Variants in TDRD7 observed in about 807,000 individuals in gnomAD.
TDRD7 encodes the protein tudor domain-containing protein 7.
TDRD7 carries 47 observed loss-of-function variants against 109.8 expected under a neutral mutation model. That is an observed-to-expected ratio of 0.43 (90% confidence interval 0.34 to 0.55). TDRD7 has a LOEUF of 0.55. Ranked by LOEUF, TDRD7 falls within the 20% of genes least tolerant of loss-of-function variation. The probability of loss-of-function intolerance (pLI) is 0.03; values close to 1 mark genes in which losing one functional copy is unlikely to be tolerated. For synonymous variants in TDRD7, 424 were observed against 457.3 expected (o/e 0.93, Z 0.93); for missense variants, 1,164 against 1,319.2 (o/e 0.88, Z 1.82).
intron 6 of TDRD7, among the ~76,000 whole-genome samples, chr9:97,457,198 A>G (rs556325110): frequency 1.3e-5 from 2 of 152,294 alleles, no homozygotes; most frequent in East Asian, 3.9e-4. Context: ...GATAAATAGG[A>G]ACACTTTTAC....
chr9:97,493,281 T>C (rs1448440484), intron 16 of TDRD7, among the ~76,000 whole-genome samples: 1 of 152,092 alleles, frequency 6.6e-6, no homozygotes, highest in Non-Finnish European at 1.5e-5. Context: ...TCGGCCGGTC[T>C]GAGAAATAAA....
At position 97,495,984 on chromosome 9, in the gene TDRD7, G is replaced by A. The variant is rs1316605060; in HGVS notation, c.*101G>A. ...TTAACTCTGCTACATGGCTCTGACT[G>A]CTGTGGGGGATTGAAAAGAATATGC... On this transcript the variant is annotated 3_prime_UTR_variant, in exon 17 of 17. Coordinates refer to ENST00000355295, the MANE Select transcript of TDRD7 (RefSeq NM_014290.3). 1.1e-6 allele frequency: 1 copy of A among 907,010 alleles called. No homozygotes were observed. The highest frequency in any genetic ancestry group is 2.5e-5 in the East Asian group (1 of 39,902). The allele number at this position is 907,010 out of a possible 1,614,324, so 56.2% of individuals were successfully genotyped here. A position where few individuals can be genotyped will look rare whatever the true frequency, so the allele number is the denominator to read the frequency against.
At chr9:97,435,110 C>T (rs771169823) in intron 4 of TDRD7, among the ~76,000 whole-genome samples, 26 of 151,958 alleles carry the variant, frequency 1.7e-4, no homozygotes, top group Non-Finnish European at 3.2e-4. Context: ...CTGGTGGGCA[C>T]GTGAATCTGT....
chr9:97,426,823 CTGA>C (rs1200198107), intron 1 of TDRD7, among the ~76,000 whole-genome samples: 19 of 152,136 alleles, frequency 1.2e-4, no homozygotes, highest in Non-Finnish European at 2.6e-4. Context: ...GACAAACAGG[CTGA>C]TATTTTGTTT....
chr9:97,495,572 G>T, intron 16 of TDRD7, 91 bp from the exon 17 acceptor site: 2 of 1,269,310 alleles, frequency 1.6e-6, no homozygotes, highest in Non-Finnish European at 2.3e-6. Flanking sequence ...AAGTTACTTT[G>T]GAATTGACTA....
rs192498175 is a variant in TDRD7, at chr9:97,430,814, T to G, written c.208-119T>G. On this transcript the variant is annotated intron_variant, in intron 2 of 16. Coordinates refer to ENST00000355295, the MANE Select transcript of TDRD7 (RefSeq NM_014290.3). ...TATCAAGGAGCGAGACACATGAATA[T>G]TTGCATACCACTTGACTTGGGATAT... The G allele has an allele frequency of 9.5e-4, 1,154 of 1,216,774 alleles. 3 individuals carry two copies. The highest frequency in any genetic ancestry group is 1.3e-3 in the Non-Finnish European group (1,054 of 829,182). 75.4% of individuals were successfully genotyped at this position (1,216,774 alleles called of 1,614,324 possible). A position where few individuals can be genotyped will look rare whatever the true frequency, so the allele number is the denominator to read the frequency against.
At chr9:97,487,778 C>T (rs1829237034) in intron 16 of TDRD7, among the ~76,000 whole-genome samples, 1 of 152,086 alleles carries the variant, frequency 6.6e-6, no homozygotes, top group Admixed American at 6.6e-5. Flanking sequence ...TGCATCTTTA[C>T]ACTAGCTAAA....
chr9:97,447,833 G>A (rs770778827), intron 6 of TDRD7, among the ~76,000 whole-genome samples: 12 of 152,208 alleles, frequency 7.9e-5, no homozygotes, highest in Non-Finnish European at 1.5e-4. Flanking sequence ...ACTAGGAGAA[G>A]ACTCCATTAT....
intron 16 of TDRD7, among the ~76,000 whole-genome samples, chr9:97,493,686 G>A (rs552240960): frequency 1.8e-4 from 28 of 152,236 alleles, no homozygotes; most frequent in Non-Finnish European, 3.4e-4. Context: ...CAGGAGACTG[G>A]GGCTTATTTC....
At chr9:97,428,919 A>G (rs939431589) in intron 2 of TDRD7, among the ~76,000 whole-genome samples, 2 of 152,232 alleles carry the variant, frequency 1.3e-5, no homozygotes, top group Non-Finnish European at 2.9e-5. Flanking sequence ...TATTTACCCA[A>G]TGTCAACATC....
intron 9 of TDRD7, among the ~76,000 whole-genome samples, chr9:97,471,402 T>C (rs1193106165): frequency 6.6e-6 from 1 of 152,234 alleles, no homozygotes; most frequent in Non-Finnish European, 1.5e-5. Context: ...TTGACTCTTA[T>C]CTGTGAGATT....
At chr9:97,443,257 C>T (rs986026842) in intron 6 of TDRD7, among the ~76,000 whole-genome samples, 8 of 151,726 alleles carry the variant, frequency 5.3e-5, no homozygotes, top group Admixed American at 2.0e-4. Flanking sequence ...AGAACAAAGA[C>T]GATGAAGACA....
intron 6 of TDRD7, among the ~76,000 whole-genome samples, chr9:97,458,366 A>C (rs1828655624): frequency 6.6e-6 from 1 of 152,164 alleles, no homozygotes; most frequent in African/African-American, 2.4e-5. Flanking sequence ...CTGGATACCT[A>C]ATCTGTATTC....
chr9:97,429,661 C>T (rs576326687), intron 2 of TDRD7, among the ~76,000 whole-genome samples: 6 of 152,324 alleles, frequency 3.9e-5, no homozygotes, highest in Admixed American at 3.9e-4. Context: ...TTTGGCATCC[C>T]TGATCGTTCC....
chr9:97,413,390 A>G (rs1044556939), intron 1 of TDRD7, among the ~76,000 whole-genome samples: 5 of 152,080 alleles, frequency 3.3e-5, no homozygotes, highest in Admixed American at 1.3e-4. Flanking sequence ...CTGGTTTTCT[A>G]TGTGTCAAAT....
chr9:97,493,233 G>A (rs565780824), intron 16 of TDRD7, among the ~76,000 whole-genome samples: 29 of 152,180 alleles, frequency 1.9e-4, no homozygotes, highest in African/African-American at 6.0e-4. Flanking sequence ...ATTCACCCCC[G>A]ATATTTCATG....
intron 2 of TDRD7, 76 bp from the exon 3 acceptor site, chr9:97,430,857 C>G: frequency 6.3e-7 from 1 of 1,585,846 alleles, no homozygotes; most frequent in Non-Finnish European, 8.6e-7. Context: ...CACTAAGATC[C>G]ACTTTTAAGA....
chr9:97,418,966 G>A (rs910210786), intron 1 of TDRD7, among the ~76,000 whole-genome samples: 3 of 152,314 alleles, frequency 2.0e-5, no homozygotes, highest in East Asian at 3.9e-4. Flanking sequence ...AAGGCAAAGG[G>A]TAAGGCCTTC....
At chr9:97,485,083 G>GT (rs1829190851) in intron 15 of TDRD7, among the ~76,000 whole-genome samples, 1 of 152,178 alleles carries the variant, frequency 6.6e-6, no homozygotes, top group South Asian at 2.1e-4. Context: ...AGTATAAAAT[G>GT]TTTAGAACTT....
Sources: gnomAD v4.1 joint callset for allele counts (sites outside exome capture counted in the v4.1 genomes callset) on GRCh38, gnomAD v4.1.1 for gene constraint, MANE v1.5 for transcripts, NCBI Gene and HGNC (gene_info 2026-07-23, HGNC 2026-07-21) for gene names.